ENOX1: variants seen among roughly 807,000 people sequenced by gnomAD.
The protein encoded by ENOX1 is ecto-NOX disulfide-thiol exchanger 1.
In ENOX1, 42 loss-of-function variants were observed where a neutral mutation model predicts 82.5. The ratio of observed to expected loss-of-function variants is 0.51; its 90% confidence interval spans 0.40 to 0.66. The LOEUF is 0.66. Among genes scored for constraint, ENOX1 ranks in the 30% least tolerant of loss-of-function variants. ENOX1 has a pLI of 0.00. For missense variants in ENOX1, 608 were observed against 811.6 expected, an observed-to-expected ratio of 0.75 and a Z score of 3.05; for synonymous variants, 271 against 282.2, an observed-to-expected ratio of 0.96 and a Z score of 0.40.
At chr13:43,627,763 T>G (rs952831186) in intron 2 of ENOX1, among the ~76,000 whole-genome samples, 3 of 152,092 alleles carry the variant, frequency 2.0e-5, no homozygotes, top group Admixed American at 1.3e-4. Context: ...CTTTTCTATT[T>G]AGAGAACTTT....
At chr13:43,782,631 G>T (rs1054771613) in intron 1 of ENOX1, among the ~76,000 whole-genome samples, 1 of 151,954 alleles carries the variant, frequency 6.6e-6, no homozygotes, top group Non-Finnish European at 1.5e-5. Context: ...TCAATGTCAA[G>T]GTTTTCTACT....
intron 8 of ENOX1, among the ~76,000 whole-genome samples, 199 bp from the exon 9 acceptor site, chr13:43,344,949 CACTCAGGAGGTT>C (rs1186676107): frequency 6.6e-6 from 1 of 152,166 alleles, no homozygotes; most frequent in Non-Finnish European, 1.5e-5. Context: ...ACCACAGAAC[CACTCAGGAGGTT>C]CACACTCTCA....
In ENOX1 at chr13:43,213,530, TTCTTTTTCTTTTTC is replaced by T. The variant is rs2041288118; in HGVS notation, c.*446_*459del. On this transcript the variant is annotated 3_prime_UTR_variant, in exon 17 of 17. Coordinates refer to ENST00000690772, the MANE Select transcript of ENOX1 (RefSeq NM_001347969.2). Reference sequence around the variant, plus strand: ...GTAAAACTTTTTCTTTTTTCTTTTTTTCTTTTTCTTTTTCTTTTTTTTTTTTTTTTTTTTTTTAC... The same window carrying T: ...GTAAAACTTTTTCTTTTTTCTTTTTTTTTTTTTTTTTTTTTTTTTTTTTAC... 1 of 133,368 alleles carries T rather than the reference TTCTTTTTCTTTTTC, an allele frequency of 7.5e-6. No homozygotes were observed. Among genetic ancestry groups the T allele is most frequent in the Admixed American group, 7.9e-5 (1 of 12,708 alleles). The allele number at this position is 133,368 out of a possible 1,614,324, so 8.3% of individuals were successfully genotyped here. A position where few individuals can be genotyped will look rare whatever the true frequency, so the allele number is the denominator to read the frequency against.
chr13:43,438,176 A>G (rs2056146641), intron 3 of ENOX1, among the ~76,000 whole-genome samples: 1 of 152,176 alleles, frequency 6.6e-6, no homozygotes, highest in African/African-American at 2.4e-5. Flanking sequence ...GGCAATGGAG[A>G]CCAAATGGAA....
chr13:43,784,176 G>A (rs1312273284), intron 1 of ENOX1, among the ~76,000 whole-genome samples: 1 of 152,160 alleles, frequency 6.6e-6, no homozygotes, highest in Non-Finnish European at 1.5e-5. Context: ...CTAAAATTAC[G>A]TGTATAAATA....
intron 1 of ENOX1, among the ~76,000 whole-genome samples, chr13:43,715,066 G>A (rs2088017114): frequency 6.6e-6 from 1 of 152,250 alleles, no homozygotes. Flanking sequence ...TCCTTTCCAT[G>A]TTTAGTGCTT....
At chr13:43,310,130 G>GAGGC (rs10644781) in intron 11 of ENOX1, among the ~76,000 whole-genome samples, 141,911 of 148,708 alleles carry the variant, frequency 0.95, 68,109 homozygotes, top group East Asian at 1. Context: ...TTGAACCCGG[G>GAGGC]AGAGGTTGCA....
intron 3 of ENOX1, among the ~76,000 whole-genome samples, chr13:43,472,362 C>T (rs1209202466): frequency 2.0e-5 from 3 of 152,048 alleles, no homozygotes; most frequent in East Asian, 1.9e-4. Flanking sequence ...TCAGATTCAC[C>T]GTGATTTTTT....
chr13:43,339,961 T>G (rs1389648271), intron 9 of ENOX1, among the ~76,000 whole-genome samples: 1 of 152,228 alleles, frequency 6.6e-6, no homozygotes, highest in African/African-American at 2.4e-5. Context: ...TAGCAGTTAT[T>G]GTTTTACAAG....
At chr13:43,702,846 G>A (rs536485519) in intron 1 of ENOX1, among the ~76,000 whole-genome samples, 5 of 151,096 alleles carry the variant, frequency 3.3e-5, no homozygotes, top group South Asian at 2.1e-4. Flanking sequence ...CCAGCTACTC[G>A]GGAGGCTGAG....
In ENOX1 at chr13:43,530,008, A is replaced by G. The variant is rs148392872; in HGVS notation, c.-218-45856T>C. Reference sequence around the variant, plus strand: ...TGCCTCTGACTCAAGATCCTTCTGAATCAGTGACTAAAGTCAGATGACTCT... The same window carrying G: ...TGCCTCTGACTCAAGATCCTTCTGAGTCAGTGACTAAAGTCAGATGACTCT... On this transcript the variant is annotated intron_variant, in intron 2 of 16. Transcript: ENST00000690772. Among the ~76,000 whole-genome samples the G allele has an allele frequency of 2.4e-3, 367 of 152,280 alleles. 2 individuals are homozygous for G. Among genetic ancestry groups the G allele is most frequent in the South Asian group, 0.019 (94 of 4,830 alleles).
In ENOX1 at chr13:43,492,430, A is replaced by G. The variant is rs546003289; in HGVS notation, c.-218-8278T>C. On this transcript the variant is annotated intron_variant, in intron 2 of 16. Transcript: ENST00000690772. ...GGTCAGGCCTGAAAAATTCCTGAGC[A>G]AATACAACCAGAGGTCTTAAAAATA... Among the ~76,000 whole-genome samples the G allele has an allele frequency of 1.4e-4, 21 of 152,308 alleles. No individual in the cohort carries two copies. The South Asian group carries it at 3.9e-3, about 29-fold the overall frequency.
intron 2 of ENOX1, among the ~76,000 whole-genome samples, chr13:43,625,593 G>T (rs2082929856): frequency 6.6e-6 from 1 of 151,852 alleles, no homozygotes; most frequent in Non-Finnish European, 1.5e-5. Flanking sequence ...TGCATCAATC[G>T]ATATGATCAC....
chr13:43,355,141 C>T (rs549678384), intron 8 of ENOX1, among the ~76,000 whole-genome samples: 19 of 152,178 alleles, frequency 1.2e-4, no homozygotes, highest in Non-Finnish European at 1.3e-4. Flanking sequence ...CTGTAAAATG[C>T]CCATATGTTG....
chr13:43,564,489 C>T (rs1201338796), intron 2 of ENOX1, among the ~76,000 whole-genome samples: 14 of 151,740 alleles, frequency 9.2e-5, no homozygotes, highest in Non-Finnish European at 1.5e-5. Flanking sequence ...GAGGAGGAGG[C>T]CTAAAATAAA....
At chr13:43,717,080 C>G (rs2088194083) in intron 1 of ENOX1, among the ~76,000 whole-genome samples, 2 of 152,082 alleles carry the variant, frequency 1.3e-5, no homozygotes, top group East Asian at 1.9e-4. Flanking sequence ...GCCTGAATAG[C>G]CAAAGCAATC....
At chr13:43,674,191 T>A (rs2085396456) in intron 1 of ENOX1, among the ~76,000 whole-genome samples, 1 of 152,148 alleles carries the variant, frequency 6.6e-6, no homozygotes, top group Non-Finnish European at 1.5e-5. Context: ...TGAGTATGTA[T>A]TATGCAGCAG....
chr13:43,595,512 A>G (rs1202962614), intron 2 of ENOX1, among the ~76,000 whole-genome samples: 1 of 152,170 alleles, frequency 6.6e-6, no homozygotes, highest in African/African-American at 2.4e-5. Flanking sequence ...CATACAGATT[A>G]ATTGAACATT....
chr13:43,728,256 A>G (rs1471449825), intron 1 of ENOX1, among the ~76,000 whole-genome samples: 1 of 152,218 alleles, frequency 6.6e-6, no homozygotes, highest in Non-Finnish European at 1.5e-5. Context: ...GTAAAAGAAA[A>G]AGTGAAAACC....
Sources: gnomAD v4.1 joint callset for allele counts (sites outside exome capture counted in the v4.1 genomes callset) on GRCh38, gnomAD v4.1.1 for gene constraint, MANE v1.5 for transcripts, NCBI Gene and HGNC (gene_info 2026-07-23, HGNC 2026-07-21) for gene names.